IPO7: variants seen among roughly 807,000 people sequenced by gnomAD.
The protein encoded by IPO7 is importin 7.
In IPO7, 13 loss-of-function variants were observed where a neutral mutation model predicts 136.4. The observed-to-expected ratio is 0.10, with a 90% CI of 0.06 to 0.15. IPO7 has a LOEUF of 0.15. Among genes scored for constraint, IPO7 ranks in the 10% least tolerant of loss-of-function variants. The pLI, the probability that IPO7 is intolerant of heterozygous loss-of-function variation, is 1.00. For missense variants in IPO7, 857 were observed against 1,240.6 expected, an observed-to-expected ratio of 0.69 and a Z score of 4.65; for synonymous variants, 403 against 404.4, an observed-to-expected ratio of 1.00 and a Z score of 0.04.
intron 1 of IPO7, among the ~76,000 whole-genome samples, chr11:9,396,327 C>T (rs568274904): frequency 4.8e-4 from 73 of 152,172 alleles, no homozygotes; most frequent in African/African-American, 1.4e-3. Context: ...ACCTGGGAGG[C>T]GGAGGTTGCA....
chr11:9,433,099 C>T (rs961593285), intron 16 of IPO7: 1 of 152,678 alleles, frequency 6.5e-6, no homozygotes, highest in Non-Finnish European at 1.4e-5. Context: ...ATTCTCCTGC[C>T]TCAGCTTCCC....
At chr11:9,439,365 C>T (rs1855428512) in intron 22 of IPO7, among the ~76,000 whole-genome samples, 1 of 152,126 alleles carries the variant, frequency 6.6e-6, no homozygotes, top group Admixed American at 6.5e-5. Flanking sequence ...ATCCACCCTC[C>T]TGGGCCTCCC....
At chr11:9,419,613 G>A (rs1855098832) in intron 6 of IPO7, among the ~76,000 whole-genome samples, 1 of 142,184 alleles carries the variant, frequency 7.0e-6, no homozygotes, top group Non-Finnish European at 1.5e-5. Context: ...GGTTATTAAT[G>A]TATAATGATC....
rs1855503792 is a variant in IPO7 at position 9,444,671 on chromosome 11, TA to T, written c.3020-421del. Among the ~76,000 whole-genome samples the T allele has an allele frequency of 1.3e-5, 2 of 151,784 alleles. 1 individual carries two copies. The highest frequency in any genetic ancestry group is 4.2e-4 in the South Asian group (2 of 4,806). On this transcript the variant is annotated intron_variant, in intron 24 of 24. Coordinates refer to ENST00000379719, the MANE Select transcript of IPO7 (RefSeq NM_006391.3). ...CAACATGGTGAAACCCTGCCTCTACTAAAAATACAAAAAATTACCCGGGCGT... is the reference window on the plus strand; with the variant it reads ...CAACATGGTGAAACCCTGCCTCTACTAAAATACAAAAAATTACCCGGGCGT...
rs188762621 is a variant in IPO7 at position 9,434,299 on chromosome 11, T to C, written c.2074+453T>C. On this transcript the variant is annotated intron_variant, in intron 18 of 24. Transcript: ENST00000379719. ...CAGTAGAAGTTAATGCTCTCAGTGG[T>C]GATGCATGATATTGATTTCTGCTAT... Among the ~76,000 whole-genome samples the C allele has an allele frequency of 9.5e-4, 145 of 152,252 alleles. 1 individual carries two copies. Among genetic ancestry groups the C allele is most frequent in the Non-Finnish European group, 1.6e-4 (11 of 68,010 alleles).
intron 3 of IPO7, among the ~76,000 whole-genome samples, chr11:9,409,361 G>A (rs1214341910): frequency 6.6e-6 from 1 of 152,096 alleles, no homozygotes; most frequent in Non-Finnish European, 1.5e-5. Flanking sequence ...CACCTGCCTA[G>A]GCCTCACAAA....
chr11:9,420,677 A>T lies in IPO7; in HGVS notation c.885A>T (p.Ala295=). The change falls in exon 8 of 25, where the codon GCA becomes GCT. Residue 295 remains alanine (A), a synonymous_variant. Coordinates refer to ENST00000379719, the MANE Select transcript of IPO7 (RefSeq NM_006391.3). ...YNEFAEVFLK[A]FAVGVQQVLL... Reference sequence around the variant, plus strand: ...AATTTGCTGAAGTATTTCTGAAGGCATTTGCTGTTGGTGTCCAGCAAGTAA... The same window carrying T: ...AATTTGCTGAAGTATTTCTGAAGGCTTTTGCTGTTGGTGTCCAGCAAGTAA... The T allele has an allele frequency of 6.2e-7, 1 of 1,612,586 alleles. No individual in the cohort carries two copies. The highest frequency in any genetic ancestry group is 8.5e-7 in the Non-Finnish European group (1 of 1,178,748).
chr11:9,402,948 G>C (rs920606951), intron 1 of IPO7: 13 of 248,686 alleles, frequency 5.2e-5, no homozygotes, highest in Non-Finnish European at 9.2e-5. Flanking sequence ...TTGAACCTGG[G>C]GAGGCGGAGG....
At chr11:9,438,043 CAGTTTT>C in intron 21 of IPO7, 31 bp from the exon 22 acceptor site, 1 of 876,500 alleles carries the variant, frequency 1.1e-6, no homozygotes, top group South Asian at 1.7e-5. Flanking sequence ...GAAAAGAAAA[CAGTTTT>C]TTTTTTTTTT....
chr11:9,410,816 G>T (rs796084953), intron 4 of IPO7, among the ~76,000 whole-genome samples: 5 of 152,220 alleles, frequency 3.3e-5, no homozygotes, highest in African/African-American at 1.2e-4. Context: ...TACGAGGAAG[G>T]CATAAGGAAG....
intron 19 of IPO7, among the ~76,000 whole-genome samples, chr11:9,435,405 G>A (rs1855355466): frequency 6.6e-6 from 1 of 152,178 alleles, no homozygotes; most frequent in Admixed American, 6.6e-5. Context: ...CAAGCAATAG[G>A]AAATGAATGT....
intron 10 of IPO7, 129 bp downstream of exon 10, chr11:9,424,005 T>C: frequency 1.9e-6 from 1 of 537,746 alleles, no homozygotes; most frequent in South Asian, 2.7e-5. Flanking sequence ...CCTTGTGTAG[T>C]CCTTTTTGGG....
chr11:9,448,008 T>C lies in IPO7; in HGVS notation c.*2814T>C, dbSNP rs1347485414. 1 of 152,124 alleles carries C rather than the reference T, an allele frequency of 6.6e-6. No individual in the cohort carries two copies. Among genetic ancestry groups the C allele is most frequent in the Non-Finnish European group, 1.5e-5 (1 of 68,014 alleles). The allele number at this position is 152,124 out of a possible 1,614,324, so 9.4% of individuals were successfully genotyped here. On this transcript the variant is annotated 3_prime_UTR_variant, in exon 25 of 25. Transcript: ENST00000379719. ...TTAAAAATTAAATTAATATGGAAAG[T>C]TAAAAAATGGATTACATTAGTATGA...
In IPO7 at chr11:9,414,358, C is replaced by A. The variant is rs1486101281; in HGVS notation, c.583C>A (p.Gln195Lys). ...CCAGCTTCTTTCTGACCAGTCTGAT[C>A]AGTCTGTCCTCATCCAGAAACAGAT... ...FIQLLSDQSD[Q>K]SVLIQKQIFK... The change falls in exon 5 of 25, where the codon CAG becomes AAG. Residue 195 changes from glutamine to lysine, a missense_variant. By Grantham distance (53) the Gln-to-Lys change is moderately conservative. Around this residue, in one of 11 missense-constraint regions of IPO7, gnomAD observed 287 missense variants for 307.5 expected, o/e 0.93. Coordinates refer to ENST00000379719, the MANE Select transcript of IPO7 (RefSeq NM_006391.3). 1 of 1,611,852 alleles carries A rather than the reference C, an allele frequency of 6.2e-7. No homozygotes were observed. Among genetic ancestry groups the A allele is most frequent in the Non-Finnish European group, 8.5e-7 (1 of 1,178,238 alleles).
At position 9,429,810 on chromosome 11, in the gene IPO7, T is replaced by C. The variant is rs1855267042; in HGVS notation, c.1728T>C (p.Ile576=). The C allele has an allele frequency of 6.3e-7, 1 of 1,594,414 alleles. No individual in the cohort carries two copies. The highest frequency in any genetic ancestry group is 2.2e-5 in the East Asian group (1 of 44,698). The change falls in exon 15 of 25, where the codon ATT becomes ATC. Residue 576 remains isoleucine, a synonymous_variant. Coordinates refer to ENST00000379719, the MANE Select transcript of IPO7 (RefSeq NM_006391.3). The part of the protein sequence containing the change: ...ICEYSEEVTP[I]AVEMTQHLAM... Reference sequence around the variant, plus strand: ...AATATAGTGAAGAAGTTACTCCTATTGCAGTAGAAATGACACAACATTTGG... The same window carrying C: ...AATATAGTGAAGAAGTTACTCCTATCGCAGTAGAAATGACACAACATTTGG...
chr11:9,408,508 G>C lies in IPO7; in HGVS notation c.189G>C (p.Met63Ile). 1 of 1,573,504 alleles carries C rather than the reference G, an allele frequency of 6.4e-7. No individual in the cohort carries two copies. Among genetic ancestry groups the C allele is most frequent in the Non-Finnish European group, 8.6e-7 (1 of 1,164,618 alleles). ...TAGGTGTTATCTATCTGAAAAATAT[G>C]ATAACACAGTATTGGCCTGATCGAG... ...RQAGVIYLKN[M>I]ITQYWPDRET... The change falls in exon 3 of 25, where the codon ATG becomes ATC. Residue 63 changes from methionine to isoleucine, a missense_variant. Physicochemically the swap from Met to Ile is conservative, Grantham distance 10. Transcript: ENST00000379719.
intron 1 of IPO7, among the ~76,000 whole-genome samples, chr11:9,400,220 C>T (rs922702489): frequency 7.9e-5 from 12 of 151,936 alleles, no homozygotes; most frequent in African/African-American, 2.9e-4. Flanking sequence ...AAACATTTTC[C>T]ATCTGTGGTT....
At chr11:9,443,546 G>A (rs575828498) in intron 24 of IPO7, among the ~76,000 whole-genome samples, 7 of 146,976 alleles carry the variant, frequency 4.8e-5, no homozygotes, top group East Asian at 4.1e-4. Context: ...AGCCGAGGTC[G>A]CGCCATTGCA....
At chr11:9,412,444 G>T (rs1040225625) in intron 4 of IPO7, among the ~76,000 whole-genome samples, 1 of 152,144 alleles carries the variant, frequency 6.6e-6, no homozygotes, top group Admixed American at 6.5e-5. Flanking sequence ...AAAAAGATAA[G>T]CTGTGGCTCT....
Sources: allele counts gnomAD v4.1 joint callset (sites outside exome capture counted in the v4.1 genomes callset), GRCh38; gene constraint gnomAD v4.1.1; regional missense constraint gnomAD v4.1.1; transcripts MANE v1.5; gene names NCBI Gene and HGNC (gene_info 2026-07-23, HGNC 2026-07-21).